The following RBFOX1 variants were observed in gnomAD, a reference collection of about 807,000 sequenced individuals.
The protein encoded by RBFOX1 is RNA binding fox-1 homolog 1.
A neutral mutation model predicts 57.7 loss-of-function variants in RBFOX1; 8 were observed. The observed-to-expected ratio is 0.14, with a 90% CI of 0.08 to 0.25. The LOEUF is 0.25. RBFOX1 is among the 10% of genes least tolerant of loss of function. The probability of loss-of-function intolerance (pLI) is 1.00; values close to 1 mark genes in which losing one functional copy is unlikely to be tolerated. For synonymous variants in RBFOX1, 326 were observed against 222.4 expected (o/e 1.47, Z -4.15); for missense variants, 611 against 548.5 (o/e 1.11, Z -1.14).
At chr16:7,570,966 G>A (rs2092711628) in intron 5 of RBFOX1, among the ~76,000 whole-genome samples, 1 of 152,170 alleles carries the variant, frequency 6.6e-6, no homozygotes, top group African/African-American at 2.4e-5. Context: ...TTTATACTCA[G>A]CAAACTGATG....
At chr16:7,306,165 TTG>T (rs1451637742) in intron 4 of RBFOX1, among the ~76,000 whole-genome samples, 2 of 152,208 alleles carry the variant, frequency 1.3e-5, no homozygotes, top group African/African-American at 2.4e-5. Context: ...GTGGTGGTGT[TTG>T]TGTTTTTTTC....
intron 3 of RBFOX1, among the ~76,000 whole-genome samples, chr16:5,730,938 A>G (rs925525913): frequency 1.3e-5 from 2 of 148,634 alleles, no homozygotes; most frequent in African/African-American, 4.9e-5. Flanking sequence ...TGGTGTCACC[A>G]TCATCACTAT....
chr16:6,610,426 C>T (rs1601454187), intron 2 of RBFOX1, among the ~76,000 whole-genome samples: 1 of 152,122 alleles, frequency 6.6e-6, no homozygotes, highest in Non-Finnish European at 1.5e-5. Context: ...CTTGCCGGCT[C>T]AAGTGATCCT....
intron 3 of RBFOX1, among the ~76,000 whole-genome samples, chr16:6,840,728 A>G (rs553303636): frequency 1.3e-5 from 2 of 151,986 alleles, no homozygotes; most frequent in Admixed American, 1.3e-4. Context: ...CTCTACTACA[A>G]ATACAAAAAT....
intron 4 of RBFOX1, among the ~76,000 whole-genome samples, chr16:7,357,490 C>T (rs1254789023): frequency 2.0e-5 from 3 of 152,202 alleles, no homozygotes; most frequent in Non-Finnish European, 4.4e-5. Flanking sequence ...TGCCCTACAA[C>T]TGTCCTGCTT....
intron 3 of RBFOX1, among the ~76,000 whole-genome samples, chr16:6,670,852 T>TAAGC (rs2098759893): frequency 2.6e-5 from 4 of 151,786 alleles, no homozygotes; most frequent in African/African-American, 7.3e-5. Context: ...AAAAAAAAAT[T>TAAGC]AGCCGGGCAT....
chr16:6,163,809 C>G (rs2096896494), intron 1 of RBFOX1, among the ~76,000 whole-genome samples: 1 of 151,620 alleles, frequency 6.6e-6, no homozygotes, highest in African/African-American at 2.4e-5. Context: ...TTTTTTTTGC[C>G]CAATCTTAAT....
chr16:6,095,709 GA>G (rs111379965), intron 1 of RBFOX1, among the ~76,000 whole-genome samples: 1,637 of 130,200 alleles, frequency 0.013, 24 homozygotes, highest in African/African-American at 0.04. Flanking sequence ...GAAAGAAAAA[GA>G]AAAAAAAAAA....
intron 4 of RBFOX1, among the ~76,000 whole-genome samples, chr16:5,906,560 T>A (rs1338622962): frequency 6.6e-6 from 1 of 152,040 alleles, no homozygotes; most frequent in Non-Finnish European, 1.5e-5. Flanking sequence ...TGCAGGACTT[T>A]ATTATGGCAG....
chr16:7,261,852 T>C (rs1335799259), intron 4 of RBFOX1, among the ~76,000 whole-genome samples: 1 of 152,186 alleles, frequency 6.6e-6, no homozygotes, highest in African/African-American at 2.4e-5. Context: ...AGTCTTGGAT[T>C]CATTTGTTCA....
At chr16:7,089,755 G>A (rs2060520480) in intron 4 of RBFOX1, among the ~76,000 whole-genome samples, 1 of 152,172 alleles carries the variant, frequency 6.6e-6, no homozygotes. Flanking sequence ...CTTAAAAGCA[G>A]CATCCCTCAA....
In RBFOX1 at chr16:6,678,284, A is replaced by G. The variant is rs547046677; in HGVS notation, c.-16+23634A>G. Among the ~76,000 whole-genome samples the G allele has an allele frequency of 1.0e-3, 155 of 152,102 alleles. 3 individuals carry two copies. Among genetic ancestry groups the G allele is most frequent in the Middle Eastern group, 3.4e-3 (1 of 292 alleles). On this transcript the variant is annotated intron_variant, in intron 3 of 15. Coordinates refer to ENST00000550418, the MANE Select transcript of RBFOX1 (RefSeq NM_018723.4). Reference sequence around the variant, plus strand: ...GGACTGCAGGCGTGTACCACCACACATGGCTAATTTTTGTGTTTTTAGTAG... The same window carrying G: ...GGACTGCAGGCGTGTACCACCACACGTGGCTAATTTTTGTGTTTTTAGTAG...
chr16:7,156,766 C>G (rs1270019481), intron 4 of RBFOX1, among the ~76,000 whole-genome samples: 1 of 152,112 alleles, frequency 6.6e-6, no homozygotes, highest in African/African-American at 2.4e-5. Context: ...TGCTTTTCTA[C>G]TTCAAACACT....
chr16:6,708,543 T>C (rs981451885), intron 3 of RBFOX1, among the ~76,000 whole-genome samples: 3 of 152,328 alleles, frequency 2.0e-5, no homozygotes, highest in African/African-American at 7.2e-5. Flanking sequence ...CGCACAAATA[T>C]GTTTTTTGCC....
rs534783175 is a variant in RBFOX1, at chr16:6,045,676, AAAT to A, written c.-127+25687_-127+25689del. Among the ~76,000 whole-genome samples the A allele has an allele frequency of 1.7e-4, 26 of 152,330 alleles. 1 individual carries two copies. The South Asian group carries it at 5.4e-3, about 32-fold the overall frequency. ...GGAGTAGAAATAGATTAACTCAACT[AAAT>A]AAATATGAGTCAACAAGAGCCATAC... On this transcript the variant is annotated intron_variant, in intron 1 of 15. Coordinates refer to ENST00000550418, the MANE Select transcript of RBFOX1 (RefSeq NM_018723.4).
At chr16:5,409,698 A>G (rs1487610234) in intron 1 of RBFOX1, among the ~76,000 whole-genome samples, 1 of 152,132 alleles carries the variant, frequency 6.6e-6, no homozygotes, top group Non-Finnish European at 1.5e-5. Flanking sequence ...GAGAGAAATA[A>G]ACGTGTAGAG....
intron 2 of RBFOX1, among the ~76,000 whole-genome samples, chr16:5,535,054 A>G (rs1013171497): frequency 1.3e-5 from 2 of 152,208 alleles, no homozygotes; most frequent in African/African-American, 2.4e-5. Context: ...TGGGGCTTAG[A>G]TCCTACTGGA....
intron 3 of RBFOX1, among the ~76,000 whole-genome samples, chr16:6,744,446 G>T (rs2073080641): frequency 6.6e-6 from 1 of 151,908 alleles, no homozygotes; most frequent in South Asian, 2.1e-4. Context: ...AGCTATTCTG[G>T]GCTGAACTAT....
intron 2 of RBFOX1, among the ~76,000 whole-genome samples, chr16:5,505,615 A>T (rs2043352317): frequency 6.6e-6 from 1 of 152,122 alleles, no homozygotes; most frequent in East Asian, 1.9e-4. Flanking sequence ...TGTGCTGAAT[A>T]CTGTCTTCCC....
Sources: gnomAD v4.1 joint callset for allele counts (sites outside exome capture counted in the v4.1 genomes callset) on GRCh38, gnomAD v4.1.1 for gene constraint, MANE v1.5 for transcripts, NCBI Gene and HGNC (gene_info 2026-07-23, HGNC 2026-07-21) for gene names.